DEPDC5: variants seen among roughly 807,000 people sequenced by gnomAD.
The protein encoded by DEPDC5 is DEP domain containing 5, GATOR1 subcomplex subunit.
DEPDC5 carries 73 observed loss-of-function variants against 217.3 expected under a neutral mutation model. The ratio of observed to expected loss-of-function variants is 0.34; its 90% confidence interval spans 0.28 to 0.41. The LOEUF is 0.41. DEPDC5 is among the 10% of genes least tolerant of loss of function. The pLI, the probability that DEPDC5 is intolerant of heterozygous loss-of-function variation, is 1.00. For synonymous variants in DEPDC5, 733 were observed against 756.7 expected, an observed-to-expected ratio of 0.97 and a Z score of 0.51; for missense variants, 1,675 against 2,070.1, an observed-to-expected ratio of 0.81 and a Z score of 3.70.
chr22:31,832,134 A>C (rs979823703), intron 24 of DEPDC5, among the ~76,000 whole-genome samples: 1 of 152,244 alleles, frequency 6.6e-6, no homozygotes, highest in Non-Finnish European at 1.5e-5. Context: ...GTAGTATTCC[A>C]TTGTATGGAT....
intron 7 of DEPDC5, among the ~76,000 whole-genome samples, chr22:31,774,734 T>C (rs1191062116): frequency 6.6e-6 from 1 of 152,074 alleles, no homozygotes; most frequent in South Asian, 2.1e-4. Context: ...TTTCACCTAC[T>C]TGGGAGTCTG....
chr22:31,804,143 TTG>T lies in DEPDC5; in HGVS notation c.1082-17_1082-16del. The T allele has an allele frequency of 1.2e-6, 2 of 1,613,768 alleles. No homozygotes were observed. Among genetic ancestry groups the T allele is most frequent in the South Asian group, 2.2e-5 (2 of 91,068 alleles). ...TGCCATTCCCTCCCCACAATTCTTT[TTG>T]TCTTTTCTTTTTTTAGGAATTGGTG... On this transcript the variant is annotated splice_polypyrimidine_tract_variant and intron_variant, in intron 15 of 42. Transcript: ENST00000651528.
At chr22:31,805,102 T>C in intron 17 of DEPDC5, 187 bp downstream of exon 17, 1 of 490,212 alleles carries the variant, frequency 2.0e-6, no homozygotes. Flanking sequence ...AGGAACAGTC[T>C]ATGGTGAAAA....
chr22:31,904,037 T>TA (rs1467982384), intron 41 of DEPDC5, among the ~76,000 whole-genome samples: 1 of 151,966 alleles, frequency 6.6e-6, no homozygotes, highest in Non-Finnish European at 1.5e-5. Flanking sequence ...CAGAAAGAGC[T>TA]AAAAAAGTGT....
At chr22:31,831,708 G>C (rs563771990) in intron 24 of DEPDC5, among the ~76,000 whole-genome samples, 2 of 152,038 alleles carry the variant, frequency 1.3e-5, no homozygotes, top group Non-Finnish European at 2.9e-5. Flanking sequence ...TGATCCCCCC[G>C]CCTCGGCCTC....
chr22:31,827,509 CCCTTCCATAT>C (rs2090248163), intron 24 of DEPDC5, among the ~76,000 whole-genome samples: 1 of 152,162 alleles, frequency 6.6e-6, no homozygotes, highest in Non-Finnish European at 1.5e-5. Context: ...TCCTCCCTTG[CCCTTCCATAT>C]CGTTTATTTT....
intron 20 of DEPDC5, among the ~76,000 whole-genome samples, chr22:31,812,596 T>C (rs1212953873): frequency 7.6e-6 from 1 of 132,250 alleles, no homozygotes. Context: ...AGCTAATTTT[T>C]TGTATTTTTA....
intron 38 of DEPDC5, among the ~76,000 whole-genome samples, chr22:31,890,594 A>T (rs564426231): frequency 6.6e-6 from 1 of 152,022 alleles, no homozygotes; most frequent in East Asian, 2.0e-4. Context: ...CTGTAGGCCC[A>T]GCTACCTGGG....
intron 24 of DEPDC5, among the ~76,000 whole-genome samples, chr22:31,825,771 A>G (rs1243541224): frequency 6.6e-6 from 1 of 151,980 alleles, no homozygotes; most frequent in African/African-American, 2.4e-5. Flanking sequence ...ACTCCTTCCC[A>G]CATGTAACCC....
chr22:31,877,476 G>A (rs2093033016), intron 37 of DEPDC5, among the ~76,000 whole-genome samples: 1 of 140,502 alleles, frequency 7.1e-6, no homozygotes, highest in Non-Finnish European at 1.5e-5. Flanking sequence ...AACAGGCCGG[G>A]CACAGTGGCT....
At chr22:31,884,982 C>T (rs2149326217) in intron 38 of DEPDC5, among the ~76,000 whole-genome samples, 1 of 152,280 alleles carries the variant, frequency 6.6e-6, no homozygotes, top group South Asian at 2.1e-4. Context: ...TTAACTATTC[C>T]TTACTCTGTC....
chr22:31,871,602 T>C (rs1212550395), intron 34 of DEPDC5, among the ~76,000 whole-genome samples: 2 of 152,178 alleles, frequency 1.3e-5, no homozygotes, highest in Non-Finnish European at 1.5e-5. Flanking sequence ...CTACCTGGCT[T>C]TTTGGCTGTA....
intron 31 of DEPDC5, among the ~76,000 whole-genome samples, chr22:31,847,586 T>A (rs1398534113): frequency 6.6e-6 from 1 of 152,178 alleles, no homozygotes; most frequent in African/African-American, 2.4e-5. Context: ...AAGCCCCTTA[T>A]AAAACCATCA....
chr22:31,844,452 G>A (rs1007746060), intron 29 of DEPDC5, among the ~76,000 whole-genome samples: 2 of 152,080 alleles, frequency 1.3e-5, no homozygotes, highest in Non-Finnish European at 2.9e-5. Flanking sequence ...TGCCACAGTT[G>A]AAAAAACAAA....
intron 31 of DEPDC5, among the ~76,000 whole-genome samples, chr22:31,856,365 G>A (rs1602462499): frequency 6.6e-6 from 1 of 152,206 alleles, no homozygotes; most frequent in Non-Finnish European, 1.5e-5. Flanking sequence ...CAAGGCCATG[G>A]TGGAGGGGGC....
intron 8 of DEPDC5, among the ~76,000 whole-genome samples, chr22:31,779,710 A>G (rs1476241227): frequency 5.3e-5 from 8 of 152,196 alleles, no homozygotes; most frequent in African/African-American, 1.9e-4. Flanking sequence ...CCAAAGGTCA[A>G]CTTTTCTCTG....
intron 8 of DEPDC5, among the ~76,000 whole-genome samples, chr22:31,782,933 T>C (rs1342124074): frequency 2.0e-5 from 3 of 152,136 alleles, no homozygotes; most frequent in Non-Finnish European, 2.9e-5. Context: ...CTTTTAGAAG[T>C]CCCAAGTCAT....
intron 41 of DEPDC5, 76 bp from the exon 42 acceptor site, chr22:31,905,908 C>G: frequency 3.8e-6 from 5 of 1,309,164 alleles, no homozygotes; most frequent in Non-Finnish European, 5.4e-6. Context: ...TCCGAGAGTC[C>G]TATCAGCTAC....
intron 33 of DEPDC5, among the ~76,000 whole-genome samples, chr22:31,864,355 C>T (rs925364969): frequency 4.6e-5 from 7 of 151,584 alleles, no homozygotes; most frequent in African/African-American, 1.7e-4. Context: ...ATCCACCTGC[C>T]TCAGCCTCCC....
Sources: gnomAD v4.1 joint callset for allele counts (sites outside exome capture counted in the v4.1 genomes callset) on GRCh38, gnomAD v4.1.1 for gene constraint, MANE v1.5 for transcripts, NCBI Gene and HGNC (gene_info 2026-07-23, HGNC 2026-07-21) for gene names.